Variants in CFDP1 observed in about 807,000 individuals in gnomAD.
The protein encoded by CFDP1 is heterochromatin-stabilizing protein CFDP1.
A neutral mutation model predicts 40.1 loss-of-function variants in CFDP1; 31 were observed. The observed-to-expected ratio is 0.77, with a 90% CI of 0.58 to 1.04. CFDP1 has a LOEUF of 1.04. CFDP1 is among the 50% of genes least tolerant of loss of function. The pLI is 0.00. For missense variants in CFDP1, 423 were observed against 343.4 expected, an observed-to-expected ratio of 1.23 and a Z score of -1.83; for synonymous variants, 167 against 120.0, an observed-to-expected ratio of 1.39 and a Z score of -2.56.
intron 5 of CFDP1, among the ~76,000 whole-genome samples, chr16:75,369,802 G>A (rs947677288): frequency 6.6e-6 from 1 of 152,114 alleles, no homozygotes; most frequent in East Asian, 1.9e-4. Context: ...ACCCAGGCTG[G>A]AGTGCAGTGA....
At chr16:75,333,651 C>T (rs535444433) in intron 5 of CFDP1, among the ~76,000 whole-genome samples, 3 of 152,264 alleles carry the variant, frequency 2.0e-5, no homozygotes, top group African/African-American at 7.2e-5. Context: ...TTGATGGATG[C>T]CCCTTTCAGA....
At chr16:75,306,902 C>CACAT (rs1555552534) in intron 5 of CFDP1, among the ~76,000 whole-genome samples, 25,889 of 149,556 alleles carry the variant, frequency 0.17, 2,302 homozygotes, top group Middle Eastern at 0.24. Flanking sequence ...CACACACACA[C>CACAT]GCACACACAC....
chr16:75,311,465 T>C (rs2151503923), intron 5 of CFDP1, among the ~76,000 whole-genome samples: 1 of 152,290 alleles, frequency 6.6e-6, no homozygotes, highest in Middle Eastern at 3.4e-3. Context: ...TACTAAATCC[T>C]CATTATTTGA....
At chr16:75,409,553 T>C (rs746667251) in intron 4 of CFDP1, 1 of 152,222 alleles carries the variant, frequency 6.6e-6, no homozygotes, top group Non-Finnish European at 1.5e-5. Flanking sequence ...TGCTATAGAT[T>C]GAAAATTTTA....
intron 5 of CFDP1, 86 bp from the exon 6 acceptor site, chr16:75,305,268 T>C (rs1424564860): frequency 2.4e-5 from 32 of 1,355,316 alleles, no homozygotes; most frequent in Non-Finnish European, 4.1e-6. Flanking sequence ...GGGAATCCCC[T>C]AGATTGGGGC....
chr16:75,293,833 GAAAA>G lies in CFDP1; in HGVS notation c.*115_*118del. On this transcript the variant is annotated 3_prime_UTR_variant, in exon 7 of 7. Transcript: ENST00000283882. Reference sequence around the variant, plus strand: ...GATACATAGACAGAACTTCAATGTAGAAAAAAAAAAGACCTTGCTGGGAAACAGA... The same window carrying G: ...GATACATAGACAGAACTTCAATGTAGAAAAAAGACCTTGCTGGGAAACAGA... 1.5e-6 allele frequency: 1 copy of G among 659,302 alleles called. No homozygotes were observed. Among genetic ancestry groups the G allele is most frequent in the Non-Finnish European group, 2.5e-6 (1 of 407,020 alleles). 40.8% of individuals were successfully genotyped at this position (659,302 alleles called of 1,614,324 possible).
chr16:75,313,911 G>A (rs2078309686), intron 5 of CFDP1, among the ~76,000 whole-genome samples: 1 of 151,648 alleles, frequency 6.6e-6, no homozygotes, highest in Non-Finnish European at 1.5e-5. Context: ...TTTAGACGGA[G>A]CCTTGCTCTG....
intron 4 of CFDP1, among the ~76,000 whole-genome samples, chr16:75,408,574 C>T (rs1412574480): frequency 6.6e-6 from 1 of 151,912 alleles, no homozygotes; most frequent in African/African-American, 2.4e-5. Flanking sequence ...GTCAAGATTT[C>T]AAGACCAGCC....
chr16:75,378,165 T>C (rs149822550), intron 5 of CFDP1, among the ~76,000 whole-genome samples: 132 of 152,208 alleles, frequency 8.7e-4, no homozygotes, highest in Non-Finnish European at 1.2e-3. Flanking sequence ...GGGATGTGCG[T>C]TGTAAGCTGC....
At chr16:75,349,926 A>G (rs1189835628) in intron 5 of CFDP1, among the ~76,000 whole-genome samples, 1 of 151,680 alleles carries the variant, frequency 6.6e-6, no homozygotes, top group Non-Finnish European at 1.5e-5. Flanking sequence ...AGTAGAATAG[A>G]GATGGCATGA....
chr16:75,421,945 T>C (rs988764123), intron 1 of CFDP1, among the ~76,000 whole-genome samples: 1 of 152,246 alleles, frequency 6.6e-6, no homozygotes, highest in African/African-American at 2.4e-5. Context: ...TTGCATACTT[T>C]AAGTCATCTC....
intron 5 of CFDP1, among the ~76,000 whole-genome samples, chr16:75,307,847 A>G (rs1385200469): frequency 1.3e-5 from 2 of 152,184 alleles, no homozygotes; most frequent in Non-Finnish European, 2.9e-5. Flanking sequence ...GGCACAAGCC[A>G]CCATATTAAG....
intron 5 of CFDP1, among the ~76,000 whole-genome samples, chr16:75,307,639 GCCTCAACCTC>G (rs945619288): frequency 2.0e-5 from 3 of 152,128 alleles, no homozygotes; most frequent in African/African-American, 4.8e-5. Flanking sequence ...GCTTACTACA[GCCTCAACCTC>G]CCTGGGTCAA....
At chr16:75,405,593 C>A (rs1330290933) in intron 4 of CFDP1, among the ~76,000 whole-genome samples, 2 of 151,608 alleles carry the variant, frequency 1.3e-5, no homozygotes, top group East Asian at 3.9e-4. Flanking sequence ...ACTAAAAATA[C>A]AAAAAAAATT....
chr16:75,338,595 G>A lies in CFDP1; in HGVS notation c.651-33413C>T, dbSNP rs549255202. On this transcript the variant is annotated intron_variant, in intron 5 of 6. Transcript: ENST00000283882. ...TAGTGATGTCACTGCTGTTGAGAGC[G>A]TGCAGCTGCTCACTTTCCAGAGGGT... Among the ~76,000 whole-genome samples, 108 of 152,302 alleles carry A rather than the reference G, an allele frequency of 7.1e-4. 1 individual carries two copies. Among genetic ancestry groups the A allele is most frequent in the African/African-American group, 2.5e-3 (102 of 41,558 alleles).
At chr16:75,387,547 A>T (rs1271703782) in intron 5 of CFDP1, among the ~76,000 whole-genome samples, 2 of 152,190 alleles carry the variant, frequency 1.3e-5, no homozygotes, top group Non-Finnish European at 2.9e-5. Context: ...TGTCACCACT[A>T]GTTCCTGAAA....
Position 75,302,924 on chromosome 16 carries a change from G to A in CFDP1, c.809+2100C>T, listed in dbSNP as rs565076126. 5.9e-5 allele frequency among the ~76,000 whole-genome samples: 9 copies of A among 152,268 alleles called. No individual in the cohort carries two copies. The East Asian group carries it at 1.7e-3, about 29-fold the overall frequency. On this transcript the variant is annotated intron_variant, in intron 6 of 6. Coordinates refer to ENST00000283882, the MANE Select transcript of CFDP1 (RefSeq NM_006324.3). ...AATGTTTTTTTTTAGGGCTGGGCGT[G>A]GTGGCTCACACCTGTAATCCCAGAA...
At chr16:75,300,912 C>G (rs764511965) in intron 6 of CFDP1, among the ~76,000 whole-genome samples, 37 of 151,954 alleles carry the variant, frequency 2.4e-4, no homozygotes, top group Non-Finnish European at 1.0e-4. Flanking sequence ...TTTAAAGGCC[C>G]AGGGAAGGAA....
chr16:75,393,474 C>T (rs1025290193), intron 5 of CFDP1, among the ~76,000 whole-genome samples: 1 of 152,002 alleles, frequency 6.6e-6, no homozygotes, highest in African/African-American at 2.4e-5. Context: ...TTAGGAAAAT[C>T]AACACTCTTT....
Sources: allele counts gnomAD v4.1 joint callset (sites outside exome capture counted in the v4.1 genomes callset), GRCh38; gene constraint gnomAD v4.1.1; transcripts MANE v1.5; gene names NCBI Gene and HGNC (gene_info 2026-07-23, HGNC 2026-07-21).